PPARGC1A: variants seen among roughly 807,000 people sequenced by gnomAD.
PPARGC1A encodes the protein PPARG coactivator 1 alpha, also known as peroxisome proliferator-activated receptor gamma coactivator 1-alpha.
In PPARGC1A, 25 loss-of-function variants were observed where a neutral mutation model predicts 88.7. That is an observed-to-expected ratio of 0.28 (90% CI 0.21 to 0.39). PPARGC1A has a LOEUF of 0.39. PPARGC1A is among the 10% of genes least tolerant of loss of function. The pLI, the probability that PPARGC1A is intolerant of heterozygous loss-of-function variation, is 1.00. For synonymous variants in PPARGC1A, 363 were observed against 355.6 expected, an observed-to-expected ratio of 1.02 and a Z score of -0.24; for missense variants, 880 against 968.7, an observed-to-expected ratio of 0.91 and a Z score of 1.22.
chr4:24,300,023 A>G, the PPARGC1A span, among the ~76,000 whole-genome samples: 6 of 152,210 alleles, frequency 3.9e-5, no homozygotes, highest in East Asian at 1.9e-4. Flanking sequence ...TACTTAATTC[A>G]TCATTTCCAA....
chr4:24,454,751 T>C, the PPARGC1A span, among the ~76,000 whole-genome samples: 1 of 147,504 alleles, frequency 6.8e-6, no homozygotes, highest in Non-Finnish European at 1.5e-5. Flanking sequence ...AAAAAAAAAA[T>C]CTGTATTTGA....
At chr4:24,415,157 T>A in the PPARGC1A span, among the ~76,000 whole-genome samples, 15 of 149,956 alleles carry the variant, frequency 1.0e-4, no homozygotes, top group African/African-American at 3.7e-4. Flanking sequence ...ACCACTGCAC[T>A]CCAGCCTGGG....
chr4:24,259,523 T>C, the PPARGC1A span, among the ~76,000 whole-genome samples: 5 of 152,206 alleles, frequency 3.3e-5, no homozygotes, highest in African/African-American at 7.2e-5. Flanking sequence ...CCCATAACAA[T>C]ATAATACAGC....
At chr4:23,962,520 A>T in the PPARGC1A span, among the ~76,000 whole-genome samples, 3 of 152,306 alleles carry the variant, frequency 2.0e-5, no homozygotes, top group East Asian at 3.9e-4. Flanking sequence ...TGAGACAGTC[A>T]AAAGCAGTCA....
At chr4:24,138,308 T>C in the PPARGC1A span, among the ~76,000 whole-genome samples, 1 of 152,202 alleles carries the variant, frequency 6.6e-6, no homozygotes, top group African/African-American at 2.4e-5. Context: ...TCAGTTTCTC[T>C]AGTTAAGTCA....
At chr4:23,948,739 C>A in the PPARGC1A span, among the ~76,000 whole-genome samples, 15 of 152,152 alleles carry the variant, frequency 9.9e-5, no homozygotes, top group African/African-American at 3.4e-4. Flanking sequence ...CTCAAATGTC[C>A]CATTTTTATG....
the PPARGC1A span, among the ~76,000 whole-genome samples, chr4:24,392,064 T>C: frequency 2.6e-5 from 4 of 152,222 alleles, no homozygotes; most frequent in East Asian, 1.9e-4. Flanking sequence ...AGAAACCTGA[T>C]AGTTTTCCTA....
At chr4:23,943,554 T>C in the PPARGC1A span, among the ~76,000 whole-genome samples, 1 of 152,172 alleles carries the variant, frequency 6.6e-6, no homozygotes, top group Non-Finnish European at 1.5e-5. Flanking sequence ...AATAGGTAAT[T>C]GGGTGAATCG....
the PPARGC1A span, among the ~76,000 whole-genome samples, chr4:24,057,795 C>T: frequency 1.3e-5 from 2 of 152,284 alleles, no homozygotes; most frequent in Middle Eastern, 6.8e-3. Flanking sequence ...ATACAGGTAG[C>T]GAGCTGAGTA....
At chr4:24,238,215 G>A in the PPARGC1A span, among the ~76,000 whole-genome samples, 1 of 152,128 alleles carries the variant, frequency 6.6e-6, no homozygotes, top group Admixed American at 6.6e-5. Flanking sequence ...ACTACACACA[G>A]TATCACCCTC....
At chr4:23,831,863 C>A in intron 2 of PPARGC1A, 112 bp from the exon 3 acceptor site, 2 of 801,958 alleles carry the variant, frequency 2.5e-6, no homozygotes, top group South Asian at 1.7e-5. Flanking sequence ...CTAGAATGCC[C>A]ATTCCAGAAC....
chr4:23,813,960 T>G lies in PPARGC1A; in HGVS notation c.1523A>C (p.Asp508Ala). 1 of 1,614,128 alleles carries G rather than the reference T, an allele frequency of 6.2e-7. No homozygotes were observed. Residue 508 changes from aspartate (D) to alanine (A), a missense_variant, in exon 8 of 13, where the codon GAT becomes GCT. By Grantham distance (126) the Asp-to-Ala change is moderately radical. Coordinates refer to ENST00000264867, the MANE Select transcript of PPARGC1A (RefSeq NM_013261.5). The part of the protein sequence containing the change: ...PMFINSGLAM[D>A]GLFDDSEDES... The stretch of plus-strand genomic sequence containing the variant: ...ATCTTCGCTGTCATCAAACAGGCCA[T>G]CCATGGCTAGTCCTGAATTTATAAA...
chr4:23,867,051 A>G (rs1449171273), intron 2 of PPARGC1A, among the ~76,000 whole-genome samples: 1 of 152,166 alleles, frequency 6.6e-6, no homozygotes, highest in Non-Finnish European at 1.5e-5. Context: ...AGTTTGCTAA[A>G]TTTTATAAAT....
the PPARGC1A span, among the ~76,000 whole-genome samples, chr4:24,288,822 T>C: frequency 3.3e-5 from 5 of 152,316 alleles, no homozygotes; most frequent in East Asian, 9.7e-4. Context: ...TTCCATTTGA[T>C]GGATGCCTTA....
chr4:24,298,186 GA>G, the PPARGC1A span, among the ~76,000 whole-genome samples: 1 of 147,848 alleles, frequency 6.8e-6, no homozygotes, highest in Non-Finnish European at 1.5e-5. Context: ...ATTACCAAAT[GA>G]AAAAAAAAAA....
the PPARGC1A span, among the ~76,000 whole-genome samples, chr4:24,177,889 C>T: frequency 9.2e-5 from 14 of 152,090 alleles, no homozygotes; most frequent in Admixed American, 9.2e-4. Flanking sequence ...GAGTGAGCCA[C>T]TACTTATGTG....
At chr4:24,274,149 G>A in the PPARGC1A span, among the ~76,000 whole-genome samples, 1 of 152,098 alleles carries the variant, frequency 6.6e-6, no homozygotes, top group Admixed American at 6.5e-5. Context: ...TCATGCTACA[G>A]AAGTTAGTTG....
At chr4:24,375,652 G>C in the PPARGC1A span, among the ~76,000 whole-genome samples, 2 of 152,094 alleles carry the variant, frequency 1.3e-5, no homozygotes, top group Non-Finnish European at 2.9e-5. Flanking sequence ...TATGGTGGGA[G>C]GAGGTGTGAG....
the PPARGC1A span, among the ~76,000 whole-genome samples, chr4:24,294,112 C>G: frequency 1.3e-5 from 2 of 152,156 alleles, no homozygotes; most frequent in African/African-American, 4.8e-5. Context: ...CATCCCAAGT[C>G]GAGCTCATAC....
Sources: allele counts gnomAD v4.1 joint callset (sites outside exome capture counted in the v4.1 genomes callset), GRCh38; gene constraint gnomAD v4.1.1; transcripts MANE v1.5; gene names NCBI Gene and HGNC (gene_info 2026-07-23, HGNC 2026-07-21).